The following LANCL1 variants were observed in gnomAD, a reference collection of about 807,000 sequenced individuals.
LANCL1 encodes glutathione S-transferase LANCL1.
In LANCL1, 50 loss-of-function variants were observed where a neutral mutation model predicts 50.6. The ratio of observed to expected loss-of-function variants is 0.99; its 90% CI spans 0.79 to 1.25. The LOEUF is 1.25. Ranked by LOEUF, LANCL1 falls within the 50% of genes most tolerant of loss-of-function variation. LANCL1 has a pLI of 0.00. For synonymous variants in LANCL1, 188 were observed against 178.6 expected (o/e 1.05, Z -0.42); for missense variants, 532 against 480.7 (o/e 1.11, Z -1.00).
chr2:210,476,213 A>G (rs1441693510), intron 2 of LANCL1, 103 bp downstream of exon 2: 1 of 655,394 alleles, frequency 1.5e-6, no homozygotes, highest in Non-Finnish European at 2.7e-6. Flanking sequence ...CGAATCATGT[A>G]TTTTTTTAAA....
chr2:210,464,932 G>C (rs1362609192), intron 3 of LANCL1, among the ~76,000 whole-genome samples: 1 of 145,560 alleles, frequency 6.9e-6, no homozygotes, highest in Non-Finnish European at 1.5e-5. Context: ...CGCCACTGCA[G>C]TCCGCAGTTC....
At chr2:210,474,746 A>ATAAATAAAT (rs1257126391) in intron 2 of LANCL1, among the ~76,000 whole-genome samples, 1 of 151,404 alleles carries the variant, frequency 6.6e-6, no homozygotes, top group Non-Finnish European at 1.5e-5. Flanking sequence ...ATAAAAATAA[A>ATAAATAAAT]TAAATAAATA....
intron 9 of LANCL1, 28 bp from the exon 10 acceptor site, chr2:210,434,591 AT>A (rs2105880500): frequency 1.3e-6 from 2 of 1,542,050 alleles, no homozygotes; most frequent in Non-Finnish European, 1.8e-6. Context: ...GGCAAAAGTT[AT>A]TATACCAAAT....
chr2:210,462,270 G>T (rs1693888109), intron 3 of LANCL1, among the ~76,000 whole-genome samples: 1 of 152,122 alleles, frequency 6.6e-6, no homozygotes, highest in African/African-American at 2.4e-5. Context: ...TCTTAATGGG[G>T]TTCCTAAATA....
At chr2:210,443,686 G>A (rs1262035842) in intron 4 of LANCL1, among the ~76,000 whole-genome samples, 1 of 152,126 alleles carries the variant, frequency 6.6e-6, no homozygotes, top group Non-Finnish European at 1.5e-5. Flanking sequence ...CACTAGGGAT[G>A]GTTAATTAGC....
At chr2:210,436,942 T>C (rs1692951140) in intron 7 of LANCL1, among the ~76,000 whole-genome samples, 1 of 152,170 alleles carries the variant, frequency 6.6e-6, no homozygotes, top group Non-Finnish European at 1.5e-5. Flanking sequence ...GATAAGGCAG[T>C]TTAAAAAGTT....
intron 2 of LANCL1, among the ~76,000 whole-genome samples, chr2:210,476,008 T>C (rs150906850): frequency 2.1e-4 from 32 of 152,318 alleles, no homozygotes; most frequent in African/African-American, 7.7e-4. Flanking sequence ...CACCTCTTTT[T>C]AAGAAGCAAA....
chr2:210,477,541 T>G (rs1255773723), upstream of LANCL1: 11 of 1,313,456 alleles, frequency 8.4e-6, no homozygotes, highest in Non-Finnish European at 1.1e-5. Context: ...TCTCTCCGGT[T>G]TCAATGAAGA....
intron 4 of LANCL1, among the ~76,000 whole-genome samples, chr2:210,452,517 G>A (rs1365522505): frequency 4.6e-5 from 7 of 152,060 alleles, no homozygotes. Flanking sequence ...GCCATTTGTA[G>A]GACAATTTGA....
chr2:210,444,714 A>AC (rs1693256467), intron 4 of LANCL1, among the ~76,000 whole-genome samples: 1 of 152,220 alleles, frequency 6.6e-6, no homozygotes, highest in African/African-American at 2.4e-5. Context: ...GAAATAGATA[A>AC]CCAAGAAACT....
chr2:210,460,242 C>T (rs1473735657), intron 3 of LANCL1, among the ~76,000 whole-genome samples: 1 of 152,080 alleles, frequency 6.6e-6, no homozygotes, highest in Non-Finnish European at 1.5e-5. Flanking sequence ...TCGTGCAGTT[C>T]AAGGGCATTT....
rs765754078 is a variant in LANCL1 at position 210,455,306 on chromosome 2, C to T, written c.208G>A (p.Val70Met). The change falls in exon 4 of 10, where the codon GTG (valine) becomes ATG (methionine). Residue 70 changes from valine (V) to methionine (M), a missense_variant. Val to Met is a conservative substitution (Grantham distance 21). Transcript: ENST00000450366. The stretch of plus-strand genomic sequence containing the variant: ...ACATCATAAAGATGTAAGTAAAGCA[C>T]AGCAATACCTGAAAAAAAAAAAAGG... The part of the protein sequence containing the change: ...TGYTGWAGIA[V>M]LYLHLYDVFG... The T allele has an allele frequency of 6.0e-6, 9 of 1,509,246 alleles. No individual in the cohort carries two copies. The highest frequency in any genetic ancestry group is 8.0e-6 in the Non-Finnish European group (9 of 1,126,766). The allele number at this position is 1,509,246 out of a possible 1,614,324, so 93.5% of individuals were successfully genotyped here.
At position 210,476,655 on chromosome 2, in the gene LANCL1, C is replaced by T; in HGVS notation, c.-52G>A. ...AGGCCCCGTTTTGCAACCCCGTTCC[C>T]ACGCCCGCGACTTGAAGCAAGTGCG... On this transcript the variant is annotated 5_prime_UTR_variant, in exon 1 of 10. Transcript: ENST00000450366. 1 of 1,245,802 alleles carries T rather than the reference C, an allele frequency of 8.0e-7. No homozygotes were observed. Among genetic ancestry groups the T allele is most frequent in the Non-Finnish European group, 1.0e-6 (1 of 991,718 alleles). 77.2% of individuals were successfully genotyped at this position (1,245,802 alleles called of 1,614,324 possible).
chr2:210,471,877 C>T (rs1271756861), intron 3 of LANCL1, 82 bp downstream of exon 3: 2 of 957,578 alleles, frequency 2.1e-6, no homozygotes, highest in East Asian at 4.8e-5. Flanking sequence ...TAAGGGTGTA[C>T]CATTCAGACA....
chr2:210,467,385 T>C (rs995761147), intron 3 of LANCL1, among the ~76,000 whole-genome samples: 16 of 152,306 alleles, frequency 1.1e-4, no homozygotes, highest in African/African-American at 3.8e-4. Context: ...CTGCCACCCA[T>C]GAGAGCAAGA....
chr2:210,464,648 T>A (rs187993230), intron 3 of LANCL1, among the ~76,000 whole-genome samples: 46 of 152,290 alleles, frequency 3.0e-4, no homozygotes, highest in African/African-American at 1.1e-3. Context: ...ACAAATCTAT[T>A]ATAAAAAGCT....
chr2:210,445,115 C>T (rs1323656681), intron 4 of LANCL1, among the ~76,000 whole-genome samples: 1 of 151,600 alleles, frequency 6.6e-6, no homozygotes, highest in African/African-American at 2.4e-5. Context: ...ATATAAAGTA[C>T]TTTTGACTTA....
At position 210,440,686 on chromosome 2, in the gene LANCL1, G is replaced by T; in HGVS notation, c.602C>A (p.Ala201Glu). ...CCATTCATACATCAGTGGAGACTTT[G>T]CCGTGAAGTTTCTCTTCCTAGCTAG... ...ENLARKRNFT[A>E]KSPLMYEWYQ... Residue 201 changes from alanine to glutamate, a missense_variant, in exon 6 of 10, where the codon GCA (alanine) becomes GAA (glutamate). Coordinates refer to ENST00000450366, the MANE Select transcript of LANCL1 (RefSeq NM_006055.3). 6.2e-7 allele frequency: 1 copy of T among 1,614,014 alleles called. No homozygotes were observed. Among genetic ancestry groups the T allele is most frequent in the South Asian group, 1.1e-5 (1 of 91,082 alleles).
At chr2:210,467,770 C>T (rs1574441771) in intron 3 of LANCL1, among the ~76,000 whole-genome samples, 1 of 152,180 alleles carries the variant, frequency 6.6e-6, no homozygotes, top group South Asian at 2.1e-4. Flanking sequence ...AATGTGTCAT[C>T]TCTTCACTAG....
Sources: gnomAD v4.1 joint callset for allele counts (sites outside exome capture counted in the v4.1 genomes callset) on GRCh38, gnomAD v4.1.1 for gene constraint, MANE v1.5 for transcripts, NCBI Gene and HGNC (gene_info 2026-07-23, HGNC 2026-07-21) for gene names.